SEC24B: variants seen among roughly 807,000 people sequenced by gnomAD.
SEC24B encodes the protein SEC24 homolog B, COPII component.
SEC24B carries 45 observed loss-of-function variants against 142.8 expected under a neutral mutation model. The ratio of observed to expected loss-of-function variants is 0.32; its 90% CI spans 0.25 to 0.40. SEC24B has a LOEUF of 0.40. SEC24B is among the 10% of genes least tolerant of loss of function. The pLI is 1.00. For synonymous variants in SEC24B, 574 were observed against 568.2 expected (o/e 1.01, Z -0.15); for missense variants, 1,409 against 1,526.8 (o/e 0.92, Z 1.29).
At chr4:109,441,520 TC>T (rs541368925) in intron 1 of SEC24B, among the ~76,000 whole-genome samples, 51 of 152,156 alleles carry the variant, frequency 3.4e-4, no homozygotes, top group Non-Finnish European at 5.9e-4. Context: ...AGTCTTGACC[TC>T]CCCGGGTTAA....
intron 1 of SEC24B, among the ~76,000 whole-genome samples, chr4:109,457,501 A>G (rs1196075140): frequency 3.9e-5 from 6 of 152,264 alleles, no homozygotes; most frequent in Admixed American, 3.9e-4. Flanking sequence ...AGGTGAGGGC[A>G]GAGAAAAGGG....
chr4:109,474,678 G>T (rs894248685), intron 3 of SEC24B, among the ~76,000 whole-genome samples: 2 of 152,032 alleles, frequency 1.3e-5, no homozygotes, highest in African/African-American at 4.8e-5. Flanking sequence ...GCCCACCTTG[G>T]CCTCCCAAAG....
intron 1 of SEC24B, among the ~76,000 whole-genome samples, chr4:109,441,900 T>G (rs1368167895): frequency 6.6e-6 from 1 of 152,204 alleles, no homozygotes; most frequent in Non-Finnish European, 1.5e-5. Flanking sequence ...TCAGGTATAT[T>G]TGCAGTTTAT....
chr4:109,525,424 A>C lies in SEC24B; in HGVS notation c.2711A>C (p.Glu904Ala), dbSNP rs1724112560. The C allele has an allele frequency of 6.2e-7, 1 of 1,612,190 alleles. No individual in the cohort carries two copies. The highest frequency in any genetic ancestry group is 8.5e-7 in the Non-Finnish European group (1 of 1,178,890). The change falls in exon 16 of 24, where the codon GAA (glutamate) becomes GCA (alanine). Residue 904 changes from glutamate to alanine, a missense_variant. Physicochemically the swap from Glu to Ala is moderately radical, Grantham distance 107. Coordinates refer to ENST00000265175, the MANE Select transcript of SEC24B (RefSeq NM_006323.5). ...FHYTHNPSQA[E>A]KLQKDLKRYL... ...TATACTCACAATCCTTCACAAGCAGAAAAGTTACAAAAAGACCTAAAACGG... is the reference window on the plus strand; with the variant it reads ...TATACTCACAATCCTTCACAAGCAGCAAAGTTACAAAAAGACCTAAAACGG...
At chr4:109,507,156 A>G (rs946047409) in intron 7 of SEC24B, among the ~76,000 whole-genome samples, 2 of 152,058 alleles carry the variant, frequency 1.3e-5, no homozygotes, top group Admixed American at 6.6e-5. Flanking sequence ...TTAGTTCTGT[A>G]TCCTATGAAT....
intron 1 of SEC24B, among the ~76,000 whole-genome samples, chr4:109,447,568 A>G (rs895658021): frequency 2.6e-5 from 4 of 152,176 alleles, no homozygotes; most frequent in Middle Eastern, 3.2e-3. Context: ...ACTTCACCAT[A>G]TCAGTAAGCA....
At chr4:109,437,912 C>T (rs866002955) in intron 1 of SEC24B, among the ~76,000 whole-genome samples, 7 of 152,160 alleles carry the variant, frequency 4.6e-5, no homozygotes, top group Admixed American at 6.5e-5. Flanking sequence ...CGTGAGCCAC[C>T]GTGCCTGGCC....
intron 4 of SEC24B, among the ~76,000 whole-genome samples, chr4:109,482,959 T>TACAC (rs1486200185): frequency 1.9e-5 from 1 of 53,346 alleles, no homozygotes; most frequent in African/African-American, 1.5e-4. Flanking sequence ...TATATATATA[T>TACAC]ATATATATAT....
chr4:109,520,382 C>A lies in SEC24B; in HGVS notation c.2143C>A (p.Arg715=). Residue 715 remains arginine (R), a synonymous_variant, in exon 12 of 24, where the codon CGA becomes AGA. Coordinates refer to ENST00000265175, the MANE Select transcript of SEC24B (RefSeq NM_006323.5). ...ENLDKLPGDS[R]TRIGFMTFDS... Reference sequence around the variant, plus strand: ...TATCTTTAGGCTTCCTGGAGATTCACGAACAAGAATAGGATTCATGACCTT... The same window carrying A: ...TATCTTTAGGCTTCCTGGAGATTCAAGAACAAGAATAGGATTCATGACCTT... 6.2e-7 allele frequency: 1 copy of A among 1,604,368 alleles called. No homozygotes were observed. The highest frequency in any genetic ancestry group is 8.5e-7 in the Non-Finnish European group (1 of 1,173,778).
At chr4:109,453,388 A>G (rs1172568054) in intron 1 of SEC24B, among the ~76,000 whole-genome samples, 2 of 128,414 alleles carry the variant, frequency 1.6e-5, no homozygotes, top group East Asian at 2.4e-4. Context: ...GGCATGTTTC[A>G]TCCCTTATCT....
At chr4:109,444,738 G>A (rs750052885) in intron 1 of SEC24B, among the ~76,000 whole-genome samples, 8 of 152,020 alleles carry the variant, frequency 5.3e-5, no homozygotes, top group Non-Finnish European at 2.9e-5. Context: ...TATCAGTCAG[G>A]CTGACCAGCT....
At chr4:109,534,352 A>C (rs1351191993) in intron 22 of SEC24B, among the ~76,000 whole-genome samples, 1 of 152,016 alleles carries the variant, frequency 6.6e-6, no homozygotes, top group Non-Finnish European at 1.5e-5. Flanking sequence ...TTAAGGAGGC[A>C]GAGGCAGGCA....
At chr4:109,441,417 C>T (rs1728916012) in intron 1 of SEC24B, among the ~76,000 whole-genome samples, 1 of 152,026 alleles carries the variant, frequency 6.6e-6, no homozygotes, top group Non-Finnish European at 1.5e-5. Flanking sequence ...AGATTCTGAA[C>T]CAATATTGAT....
intron 1 of SEC24B, among the ~76,000 whole-genome samples, chr4:109,439,392 C>T (rs1189266029): frequency 6.7e-6 from 1 of 148,242 alleles, no homozygotes. Context: ...TATAGCTAAC[C>T]GGAAGCATCA....
At position 109,463,378 on chromosome 4, in the gene SEC24B, G is replaced by T. The variant is rs769324853; in HGVS notation, c.611G>T (p.Gly204Val). The change falls in exon 2 of 24, where the codon GGT (glycine) becomes GTT (valine). Residue 204 changes from glycine to valine, a missense_variant. By Grantham distance (109) the Gly-to-Val change is moderately radical. This residue lies in a region of SEC24B where 709 missense variants were observed against 673.5 expected (regional missense o/e 1.05). Coordinates refer to ENST00000265175, the MANE Select transcript of SEC24B (RefSeq NM_006323.5). ...PSVSYPSLPAGDTYGQMFTSQ... is the reference protein window; with the variant it reads ...PSVSYPSLPAVDTYGQMFTSQ... Reference sequence around the variant, plus strand: ...GTTTCATATCCCTCTCTGCCTGCTGGTGATACATATGGGCAAATGTTTACC... The same window carrying T: ...GTTTCATATCCCTCTCTGCCTGCTGTTGATACATATGGGCAAATGTTTACC... 6.2e-7 allele frequency: 1 copy of T among 1,614,038 alleles called. No homozygotes were observed. Among genetic ancestry groups the T allele is most frequent in the Non-Finnish European group, 8.5e-7 (1 of 1,180,038 alleles).
At chr4:109,500,477 G>A (rs1736002187) in intron 6 of SEC24B, among the ~76,000 whole-genome samples, 1 of 149,724 alleles carries the variant, frequency 6.7e-6, no homozygotes, top group Non-Finnish European at 1.5e-5. Context: ...CCAGGAGGCA[G>A]AGGTTGCAGT....
intron 22 of SEC24B, among the ~76,000 whole-genome samples, chr4:109,536,886 C>G (rs1358133613): frequency 2.0e-5 from 3 of 150,856 alleles, no homozygotes; most frequent in Non-Finnish European, 4.4e-5. Context: ...GTCGGTGATT[C>G]AAAAGATCAA....
At chr4:109,479,727 A>T (rs532777351) in intron 3 of SEC24B, among the ~76,000 whole-genome samples, 18 of 152,090 alleles carry the variant, frequency 1.2e-4, no homozygotes, top group Admixed American at 1.1e-3. Context: ...GAGCAATTGT[A>T]CTTGGCTCAA....
At chr4:109,506,841 T>G (rs1259183069) in intron 7 of SEC24B, among the ~76,000 whole-genome samples, 1 of 152,206 alleles carries the variant, frequency 6.6e-6, no homozygotes, top group African/African-American at 2.4e-5. Context: ...CTGATATCTT[T>G]TCAATAAGGA....
Sources: gnomAD v4.1 joint callset for allele counts (sites outside exome capture counted in the v4.1 genomes callset) on GRCh38, gnomAD v4.1.1 for gene constraint, gnomAD v4.1.1 regional missense constraint, MANE v1.5 for transcripts, NCBI Gene and HGNC (gene_info 2026-07-23, HGNC 2026-07-21) for gene names.